The following TACR1 variants were observed in gnomAD, a reference collection of about 807,000 sequenced individuals.
TACR1 encodes the protein tachykinin receptor 1, also known as substance-P receptor.
In TACR1, 25 loss-of-function variants were observed where a neutral mutation model predicts 35.8. That is an observed-to-expected ratio of 0.70 (90% CI 0.51 to 0.98). The LOEUF (loss-of-function observed/expected upper bound fraction) is 0.98. TACR1 is among the 50% of genes least tolerant of loss of function. TACR1 has a pLI of 0.00. For synonymous variants in TACR1, 195 were observed against 206.7 expected, an observed-to-expected ratio of 0.94 and a Z score of 0.48; for missense variants, 478 against 522.9, an observed-to-expected ratio of 0.91 and a Z score of 0.84.
Position 75,198,569 on chromosome 2 carries a change from G to A in TACR1, c.366C>T (p.Ser122=), listed in dbSNP as rs1371166782. The A allele has an allele frequency of 3.1e-6, 5 of 1,613,812 alleles. No homozygotes were observed. Among genetic ancestry groups the A allele is most frequent in the East Asian group, 2.2e-5 (1 of 44,858 alleles). ...ACCTATCAAAGGCCACAGCCGTCATGGAGTAGATACTGGCGAAGACAGCGG... is the reference window on the plus strand; with the variant it reads ...ACCTATCAAAGGCCACAGCCGTCATAGAGTAGATACTGGCGAAGACAGCGG... The part of the protein sequence containing the change: ...PIAAVFASIY[S]MTAVAFDRYM... The change falls in exon 1 of 5, where the codon TCC becomes TCT. Residue 122 remains serine, a synonymous_variant. Transcript: ENST00000305249.
At chr2:75,137,095 T>A (rs527530067) in intron 1 of TACR1, among the ~76,000 whole-genome samples, 3 of 152,108 alleles carry the variant, frequency 2.0e-5, no homozygotes, top group Non-Finnish European at 4.4e-5. Flanking sequence ...TTAGCATGAG[T>A]GTTCCTTGTA....
chr2:75,154,408 A>G (rs7572264), intron 1 of TACR1: 43,476 of 93,552 alleles, frequency 0.46, 11,749 homozygotes, highest in African/African-American at 0.57. Flanking sequence ...AAGAGCGCGC[A>G]CGCACACACA....
intron 1 of TACR1, among the ~76,000 whole-genome samples, chr2:75,132,040 A>C (rs1176640344): frequency 2.6e-5 from 4 of 152,214 alleles, no homozygotes; most frequent in Admixed American, 6.5e-5. Flanking sequence ...TGAAATAAAA[A>C]CTGAAAGCTC....
At chr2:75,110,675 A>G (rs1673732733) in intron 2 of TACR1, among the ~76,000 whole-genome samples, 1 of 151,934 alleles carries the variant, frequency 6.6e-6, no homozygotes, top group East Asian at 1.9e-4. Context: ...TTTCACATTA[A>G]TGTGCTTGTA....
intron 1 of TACR1, among the ~76,000 whole-genome samples, chr2:75,126,813 C>T (rs1170537052): frequency 6.6e-6 from 1 of 152,044 alleles, no homozygotes; most frequent in Non-Finnish European, 1.5e-5. Context: ...ACAAACAACC[C>T]CATTAAAAAG....
At chr2:75,186,244 C>A (rs923919974) in intron 1 of TACR1, among the ~76,000 whole-genome samples, 1 of 151,608 alleles carries the variant, frequency 6.6e-6, no homozygotes, top group African/African-American at 2.4e-5. Context: ...TGGTGGCTCG[C>A]GCCTGTAATC....
At chr2:75,198,005 CA>C (rs906885681) in intron 1 of TACR1, among the ~76,000 whole-genome samples, 33 of 152,202 alleles carry the variant, frequency 2.2e-4, no homozygotes, top group African/African-American at 7.9e-4. Flanking sequence ...ACCAACGAAC[CA>C]ACCAACCAAA....
intron 2 of TACR1, among the ~76,000 whole-genome samples, chr2:75,081,157 T>G (rs1421154626): frequency 6.6e-6 from 1 of 152,176 alleles, no homozygotes; most frequent in Non-Finnish European, 1.5e-5. Flanking sequence ...AGGCCTGCCC[T>G]GGGGGAAATC....
chr2:75,121,793 G>A (rs1673975831), intron 1 of TACR1, among the ~76,000 whole-genome samples: 1 of 152,144 alleles, frequency 6.6e-6, no homozygotes, highest in African/African-American at 2.4e-5. Context: ...AATATTATCT[G>A]ACAAAACCTC....
At chr2:75,103,681 T>G (rs1010579847) in intron 2 of TACR1, among the ~76,000 whole-genome samples, 3 of 152,152 alleles carry the variant, frequency 2.0e-5, no homozygotes, top group African/African-American at 7.2e-5. Context: ...GGAACATTCC[T>G]CTCCACTCCT....
chr2:75,087,984 AG>A (rs2103846811), intron 2 of TACR1, among the ~76,000 whole-genome samples: 1 of 152,296 alleles, frequency 6.6e-6, no homozygotes, highest in Non-Finnish European at 1.5e-5. Context: ...TTCTAAGGAA[AG>A]CTCTCCTTTG....
intron 1 of TACR1, among the ~76,000 whole-genome samples, chr2:75,122,771 A>G (rs1673995013): frequency 6.6e-6 from 1 of 152,172 alleles, no homozygotes; most frequent in South Asian, 2.1e-4. Context: ...ACAACTCTCA[A>G]TATGTTACAA....
At chr2:75,154,163 T>A (rs1352238968) in intron 1 of TACR1, among the ~76,000 whole-genome samples, 2 of 151,968 alleles carry the variant, frequency 1.3e-5, no homozygotes, top group Non-Finnish European at 2.9e-5. Context: ...GCTGCTGCCT[T>A]CCTCCCGGCT....
chr2:75,179,213 A>G (rs1366621007), intron 1 of TACR1, among the ~76,000 whole-genome samples: 1 of 152,212 alleles, frequency 6.6e-6, no homozygotes, highest in Non-Finnish European at 1.5e-5. Context: ...CCTAGCAGTC[A>G]TTCTTGACTG....
intron 2 of TACR1, among the ~76,000 whole-genome samples, chr2:75,069,601 A>T (rs1038548278): frequency 6.6e-6 from 1 of 152,192 alleles, no homozygotes; most frequent in African/African-American, 2.4e-5. Flanking sequence ...AAGATCTCAC[A>T]TTAAGTTTAC....
At chr2:75,105,346 CAG>C (rs1440367250) in intron 2 of TACR1, among the ~76,000 whole-genome samples, 3 of 146,692 alleles carry the variant, frequency 2.0e-5, no homozygotes, top group Non-Finnish European at 4.4e-5. Flanking sequence ...CTCATAAAAA[CAG>C]GGAGTAGAAT....
At chr2:75,117,746 T>A (rs945804319) in intron 2 of TACR1, among the ~76,000 whole-genome samples, 1 of 152,220 alleles carries the variant, frequency 6.6e-6, no homozygotes, top group Non-Finnish European at 1.5e-5. Context: ...ACACCTACAT[T>A]AGCCTACAAT....
At chr2:75,169,198 A>G (rs955913201) in intron 1 of TACR1, among the ~76,000 whole-genome samples, 2 of 152,156 alleles carry the variant, frequency 1.3e-5, no homozygotes, top group Admixed American at 6.5e-5. Flanking sequence ...AATTACATAT[A>G]ACAACTGAGT....
At position 75,137,728 on chromosome 2, in the gene TACR1, CAAAAAAAA is replaced by C. The variant is rs11326632; in HGVS notation, c.390-16968_390-16961del. 1.6e-3 allele frequency among the ~76,000 whole-genome samples: 74 copies of C among 47,516 alleles called. No individual in the cohort carries two copies. In the East Asian group the frequency reaches 0.019, roughly 12 times the overall value. The allele number at this position is 47,516 out of a possible 152,430, so 31.2% of individuals were successfully genotyped here. ...TGGGCGACAGAGAGAGTCTCCGTCT[CAAAAAAAA>C]AAAAAAAAAAAAAAAAAAAAGAAAA... On this transcript the variant is annotated intron_variant, in intron 1 of 4. Coordinates refer to ENST00000305249, the MANE Select transcript of TACR1 (RefSeq NM_001058.4).
Sources: gnomAD v4.1 joint callset for allele counts (sites outside exome capture counted in the v4.1 genomes callset) on GRCh38, gnomAD v4.1.1 for gene constraint, MANE v1.5 for transcripts, NCBI Gene and HGNC (gene_info 2026-07-23, HGNC 2026-07-21) for gene names.